Variants in PARD3 observed in about 807,000 individuals in gnomAD.
PARD3 encodes the protein partitioning defective 3 homolog.
A neutral mutation model predicts 155.4 loss-of-function variants in PARD3; 75 were observed. The ratio of observed to expected loss-of-function variants is 0.48; its 90% CI spans 0.40 to 0.58. The LOEUF is 0.58. Among genes scored for constraint, PARD3 ranks in the 20% least tolerant of loss-of-function variants. PARD3 has a pLI of 0.00. For missense variants in PARD3, 1,642 were observed against 1,721.7 expected (o/e 0.95, Z 0.82); for synonymous variants, 576 against 610.5 (o/e 0.94, Z 0.83).
At chr10:34,628,124 T>A (rs1471142114) in intron 2 of PARD3, among the ~76,000 whole-genome samples, 3 of 152,232 alleles carry the variant, frequency 2.0e-5, no homozygotes, top group African/African-American at 7.2e-5. Flanking sequence ...GTGGGAATAC[T>A]TTCCAAACTC....
chr10:34,514,575 G>GA (rs1169323787), intron 3 of PARD3, among the ~76,000 whole-genome samples: 34 of 152,332 alleles, frequency 2.2e-4, no homozygotes, highest in African/African-American at 3.8e-4. Flanking sequence ...GCCAAGATCT[G>GA]AAAATCTAAA....
At chr10:34,583,737 C>A (rs1213465260) in intron 2 of PARD3, among the ~76,000 whole-genome samples, 1 of 151,982 alleles carries the variant, frequency 6.6e-6, no homozygotes, top group African/African-American at 2.4e-5. Context: ...CACTAAAGTA[C>A]AATATAAATG....
At chr10:34,514,028 T>C (rs1050781555) in intron 3 of PARD3, among the ~76,000 whole-genome samples, 1 of 152,214 alleles carries the variant, frequency 6.6e-6, no homozygotes, top group African/African-American at 2.4e-5. Flanking sequence ...TAATGGCAGC[T>C]TCTAGGGAAA....
intron 2 of PARD3, 121 bp downstream of exon 2, chr10:34,696,197 G>T: frequency 1.1e-5 from 7 of 634,588 alleles, no homozygotes; most frequent in Non-Finnish European, 1.1e-5. Flanking sequence ...TACTAGAGTG[G>T]GTGGCCCACA....
At chr10:34,456,632 A>G (rs1017695290) in intron 4 of PARD3, among the ~76,000 whole-genome samples, 4 of 152,222 alleles carry the variant, frequency 2.6e-5, no homozygotes, top group African/African-American at 9.6e-5. Flanking sequence ...AGTTTTGAAC[A>G]GGAGTAAGTA....
rs557939181 is a variant in PARD3, at chr10:34,115,898, G to A, written c.3668+3715C>T. 8.3e-4 allele frequency among the ~76,000 whole-genome samples: 126 copies of A among 152,142 alleles called. 1 individual carries two copies. Among genetic ancestry groups the A allele is most frequent in the African/African-American group, 3.0e-3 (124 of 41,518 alleles). On this transcript the variant is annotated intron_variant, in intron 24 of 24. Transcript: ENST00000374788. ...TGGCTAATGTTTTGTATTTTTAGTAGAGACAAGGTTTCACCGTGTTAGCCA... is the reference window on the plus strand; with the variant it reads ...TGGCTAATGTTTTGTATTTTTAGTAAAGACAAGGTTTCACCGTGTTAGCCA...
At chr10:34,794,959 C>T (rs1044395865) in intron 1 of PARD3, among the ~76,000 whole-genome samples, 1 of 152,276 alleles carries the variant, frequency 6.6e-6, no homozygotes, top group African/African-American at 2.4e-5. Flanking sequence ...CTCACACTGA[C>T]AAGTGGAGTC....
intron 2 of PARD3, among the ~76,000 whole-genome samples, chr10:34,666,984 C>T (rs1008299936): frequency 6.6e-6 from 1 of 151,730 alleles, no homozygotes; most frequent in African/African-American, 2.4e-5. Context: ...GCCTGGCCAA[C>T]GTGGTGAAAC....
intron 2 of PARD3, among the ~76,000 whole-genome samples, chr10:34,625,087 T>C (rs1590284369): frequency 6.6e-6 from 1 of 152,278 alleles, no homozygotes; most frequent in Admixed American, 6.5e-5. Flanking sequence ...TTTGGGGGCA[T>C]AAAAACCATG....
At chr10:34,457,375 T>C (rs1048770599) in intron 4 of PARD3, among the ~76,000 whole-genome samples, 7 of 152,226 alleles carry the variant, frequency 4.6e-5, no homozygotes, top group Non-Finnish European at 8.8e-5. Context: ...TTTTCTCAGC[T>C]GTTCCTAATC....
chr10:34,148,394 C>T (rs1435404892), intron 22 of PARD3, among the ~76,000 whole-genome samples: 1 of 152,104 alleles, frequency 6.6e-6, no homozygotes, highest in Admixed American at 6.6e-5. Flanking sequence ...TACAGACTGG[C>T]GCTGACATTG....
chr10:34,142,419 C>T (rs1245273421), intron 22 of PARD3, among the ~76,000 whole-genome samples: 2 of 151,622 alleles, frequency 1.3e-5, no homozygotes, highest in East Asian at 3.9e-4. Flanking sequence ...CGTGTAGGCC[C>T]AGCTACTTGG....
Position 34,450,342 on chromosome 10 carries a change from C to A in PARD3, c.689G>T (p.Gly230Val). Residue 230 changes from glycine to valine, a missense_variant, in exon 5 of 25, where the codon GGC becomes GTC. Gly to Val is a moderately radical substitution (Grantham distance 109). Transcript: ENST00000374788. Reference sequence around the variant, plus strand: ...CTGTTCTTGTTTCTCCAGCCACTTGCCCACCATTGGGTGACTGGCACTCAG... The same window carrying A: ...CTGTTCTTGTTTCTCCAGCCACTTGACCACCATTGGGTGACTGGCACTCAG... ...SSLSASHPMVGKWLEKQEQDE... is the reference protein window; with the variant it reads ...SSLSASHPMVVKWLEKQEQDE... 4.3e-6 allele frequency: 7 copies of A among 1,613,730 alleles called. No individual in the cohort carries two copies. The highest frequency in any genetic ancestry group is 5.9e-6 in the Non-Finnish European group (7 of 1,179,840).
intron 22 of PARD3, among the ~76,000 whole-genome samples, chr10:34,136,296 C>G (rs988896945): frequency 2.0e-5 from 3 of 152,314 alleles, no homozygotes; most frequent in Middle Eastern, 3.4e-3. Context: ...ACCTGGGTAT[C>G]CTTCCTTGCA....
At chr10:34,535,625 C>A (rs565690777) in intron 2 of PARD3, among the ~76,000 whole-genome samples, 2 of 152,098 alleles carry the variant, frequency 1.3e-5, no homozygotes, top group South Asian at 4.2e-4. Context: ...CAGGCGTGCA[C>A]CATTACCACC....
At chr10:34,563,673 G>A (rs900488492) in intron 2 of PARD3, among the ~76,000 whole-genome samples, 10 of 152,036 alleles carry the variant, frequency 6.6e-5, no homozygotes, top group African/African-American at 9.7e-5. Context: ...TGGGATTACA[G>A]GCATGTGCCA....
intron 2 of PARD3, among the ~76,000 whole-genome samples, chr10:34,574,145 G>A (rs1426630159): frequency 1.3e-5 from 2 of 151,492 alleles, no homozygotes; most frequent in African/African-American, 4.9e-5. Flanking sequence ...TTTCAGTTAG[G>A]TTATATTTTC....
At chr10:34,429,506 C>T (rs1297005435) in intron 5 of PARD3, among the ~76,000 whole-genome samples, 1 of 151,948 alleles carries the variant, frequency 6.6e-6, no homozygotes, top group Non-Finnish European at 1.5e-5. Context: ...AGGGATAATC[C>T]TGCCTCAGCC....
At chr10:34,365,841 G>A (rs1355863258) in intron 12 of PARD3, among the ~76,000 whole-genome samples, 1 of 152,082 alleles carries the variant, frequency 6.6e-6, no homozygotes, top group Non-Finnish European at 1.5e-5. Context: ...GCCCACCTTG[G>A]CCTCCCAAAG....
Sources: allele counts gnomAD v4.1 joint callset (sites outside exome capture counted in the v4.1 genomes callset), GRCh38; gene constraint gnomAD v4.1.1; transcripts MANE v1.5; gene names NCBI Gene and HGNC (gene_info 2026-07-23, HGNC 2026-07-21).